The following MARCHF1 variants were observed in gnomAD, a reference collection of about 807,000 sequenced individuals.
MARCHF1 encodes the protein E3 ubiquitin-protein ligase MARCHF1.
In MARCHF1, 40 loss-of-function variants were observed where a neutral mutation model predicts 54.2. The ratio of observed to expected loss-of-function variants is 0.74; its 90% CI spans 0.57 to 0.96. MARCHF1 has a LOEUF of 0.96. Among genes scored for constraint, MARCHF1 ranks in the 40% least tolerant of loss-of-function variants. The pLI, the probability that MARCHF1 is intolerant of heterozygous loss-of-function variation, is 0.00. For missense variants in MARCHF1, 586 were observed against 656.5 expected (o/e 0.89, Z 1.17); for synonymous variants, 236 against 236.3 (o/e 1.00, Z 0.01).
intron 5 of MARCHF1, among the ~76,000 whole-genome samples, chr4:163,669,511 T>C (rs929896623): frequency 2.0e-5 from 3 of 152,144 alleles, no homozygotes; most frequent in Non-Finnish European, 4.4e-5. Context: ...GGGCAGGTCC[T>C]GGACTCCTAC....
Position 163,893,370 on chromosome 4 carries a change from C to G in MARCHF1, c.-38-39201G>C, listed in dbSNP as rs1168238272. Among the ~76,000 whole-genome samples the G allele has an allele frequency of 2.6e-5, 4 of 152,124 alleles. 1 individual carries two copies. The highest frequency in any genetic ancestry group is 9.7e-5 in the African/African-American group (4 of 41,392). ...GCCAGAAGGGTCTCGAACTCCTGACCTTGAGTGATCTGCCCACCTCTGCCT... is the reference window on the plus strand; with the variant it reads ...GCCAGAAGGGTCTCGAACTCCTGACGTTGAGTGATCTGCCCACCTCTGCCT... On this transcript the variant is annotated intron_variant, in intron 3 of 9. Coordinates refer to ENST00000514618, the MANE Select transcript of MARCHF1 (RefSeq NM_001394959.1).
intron 4 of MARCHF1, among the ~76,000 whole-genome samples, chr4:163,799,858 C>A (rs1219105010): frequency 6.6e-6 from 1 of 152,050 alleles, no homozygotes; most frequent in Non-Finnish European, 1.5e-5. Context: ...CAGCACTATT[C>A]ACTATAGCAA....
chr4:163,716,903 G>A (rs945366165), intron 4 of MARCHF1, among the ~76,000 whole-genome samples: 2 of 151,822 alleles, frequency 1.3e-5, no homozygotes, highest in Non-Finnish European at 2.9e-5. Flanking sequence ...AACATTTTAG[G>A]TTAATAATAC....
intron 1 of MARCHF1, among the ~76,000 whole-genome samples, chr4:164,300,299 C>T (rs760469252): frequency 1.6e-4 from 25 of 152,138 alleles, no homozygotes; most frequent in Non-Finnish European, 2.5e-4. Context: ...TGACTAGAGC[C>T]GATTGGTATA....
At chr4:163,633,989 C>T (rs931004196) in intron 5 of MARCHF1, among the ~76,000 whole-genome samples, 1 of 152,078 alleles carries the variant, frequency 6.6e-6, no homozygotes, top group Non-Finnish European at 1.5e-5. Flanking sequence ...TCATATCCAG[C>T]CAAACTAAGC....
At chr4:163,660,427 G>A (rs1353923060) in intron 5 of MARCHF1, among the ~76,000 whole-genome samples, 1 of 151,898 alleles carries the variant, frequency 6.6e-6, no homozygotes, top group African/African-American at 2.4e-5. Flanking sequence ...AGGGGAGGGA[G>A]AGCATTAGGA....
chr4:163,944,266 G>T (rs183393439), intron 3 of MARCHF1, among the ~76,000 whole-genome samples: 1 of 151,956 alleles, frequency 6.6e-6, no homozygotes, highest in Non-Finnish European at 1.5e-5. Context: ...ACAGGCGTGA[G>T]CCACCGCGCC....
chr4:164,025,703 A>T (rs575901632), intron 2 of MARCHF1, among the ~76,000 whole-genome samples: 59 of 145,416 alleles, frequency 4.1e-4, no homozygotes, highest in Non-Finnish European at 4.6e-4. Flanking sequence ...CAAAGCTATA[A>T]AAAAAAAAAG....
chr4:163,784,905 C>T (rs1455232786), intron 4 of MARCHF1, among the ~76,000 whole-genome samples: 1 of 151,994 alleles, frequency 6.6e-6, no homozygotes, highest in Admixed American at 6.6e-5. Flanking sequence ...TAATGTCTCC[C>T]AAACACTGTC....
intron 2 of MARCHF1, among the ~76,000 whole-genome samples, chr4:164,100,216 G>A (rs928807972): frequency 1.2e-5 from 1 of 84,406 alleles, no homozygotes; most frequent in Non-Finnish European, 2.7e-5. Flanking sequence ...ACAATAGCAA[G>A]AGAAACGTGT....
At chr4:163,536,482 C>T (rs531932595) in intron 9 of MARCHF1, among the ~76,000 whole-genome samples, 9 of 152,198 alleles carry the variant, frequency 5.9e-5, no homozygotes, top group Admixed American at 3.9e-4. Flanking sequence ...GTTATTTCTC[C>T]GTGTGCAGTA....
intron 1 of MARCHF1, among the ~76,000 whole-genome samples, chr4:164,177,477 G>A (rs1730719266): frequency 6.6e-6 from 1 of 151,916 alleles, no homozygotes; most frequent in African/African-American, 2.4e-5. Context: ...ATTGTGGAAT[G>A]AAGTCAATGT....
At chr4:164,326,710 A>T (rs1056090302) in intron 1 of MARCHF1, among the ~76,000 whole-genome samples, 1 of 152,218 alleles carries the variant, frequency 6.6e-6, no homozygotes, top group Non-Finnish European at 1.5e-5. Flanking sequence ...TAGCAATAAG[A>T]TAACTAAAAA....
intron 8 of MARCHF1, among the ~76,000 whole-genome samples, chr4:163,563,656 T>A (rs567315303): frequency 6.6e-6 from 1 of 152,292 alleles, no homozygotes; most frequent in African/African-American, 2.4e-5. Flanking sequence ...ATTTATTTAG[T>A]CTGTCTAAGC....
chr4:164,028,816 C>T (rs1455009440), intron 2 of MARCHF1, among the ~76,000 whole-genome samples: 1 of 152,210 alleles, frequency 6.6e-6, no homozygotes, highest in Non-Finnish European at 1.5e-5. Context: ...GTGATCATCT[C>T]ACCATACACT....
chr4:163,916,930 A>AT (rs1026009292), intron 3 of MARCHF1, among the ~76,000 whole-genome samples: 1 of 152,128 alleles, frequency 6.6e-6, no homozygotes, highest in African/African-American at 2.4e-5. Context: ...CAAATGTATA[A>AT]TGATATGTAT....
chr4:163,916,169 T>C (rs1262826183), intron 3 of MARCHF1, among the ~76,000 whole-genome samples: 1 of 152,172 alleles, frequency 6.6e-6, no homozygotes, highest in Non-Finnish European at 1.5e-5. Context: ...TATGGAATGG[T>C]ACATGTAACT....
At chr4:164,244,167 C>A (rs534926380) in intron 1 of MARCHF1, among the ~76,000 whole-genome samples, 1 of 151,780 alleles carries the variant, frequency 6.6e-6, no homozygotes, top group Non-Finnish European at 1.5e-5. Context: ...TTTTTCAGCA[C>A]CACACCACAC....
At chr4:164,360,154 C>T (rs1730683998) in intron 1 of MARCHF1, among the ~76,000 whole-genome samples, 1 of 152,040 alleles carries the variant, frequency 6.6e-6, no homozygotes. Flanking sequence ...CCCAGCAGAG[C>T]CACTGGGCTT....
Sources: gnomAD v4.1 joint callset for allele counts (sites outside exome capture counted in the v4.1 genomes callset) on GRCh38, gnomAD v4.1.1 for gene constraint, MANE v1.5 for transcripts, NCBI Gene and HGNC (gene_info 2026-07-23, HGNC 2026-07-21) for gene names.